Variants in CCDC175 observed in about 807,000 individuals in gnomAD.
The protein encoded by CCDC175 is coiled-coil domain containing 175, also known as coiled-coil domain-containing protein 175.
Under a neutral mutation model 114.6 loss-of-function variants are expected in CCDC175, and 100 were observed. That is an observed-to-expected ratio of 0.87 (90% confidence interval 0.74 to 1.03). The LOEUF is 1.03. Ranked by LOEUF, CCDC175 falls within the 50% of genes least tolerant of loss-of-function variation. CCDC175 has a pLI of 0.00. For synonymous variants in CCDC175, 306 were observed against 308.7 expected (o/e 0.99, Z 0.09); for missense variants, 880 against 917.8 (o/e 0.96, Z 0.53).
intron 3 of CCDC175, among the ~76,000 whole-genome samples, chr14:59,571,542 C>A (rs1896850251): frequency 6.6e-6 from 1 of 152,094 alleles, no homozygotes; most frequent in African/African-American, 2.4e-5. Context: ...TGGGGAAATG[C>A]AAATCAAATC....
Position 59,538,791 on chromosome 14 carries a change from A to G in CCDC175, c.1405T>C (p.Trp469Arg). The G allele has an allele frequency of 1.3e-6, 2 of 1,537,008 alleles. No individual in the cohort carries two copies. Among genetic ancestry groups the G allele is most frequent in the Non-Finnish European group, 8.7e-7 (1 of 1,146,750 alleles). ...MACLRKKHAR[W>R]TAKIKAEIQA... ...ATTTCAGCTTTTATCTTGGCTGTCC[A>G]ACGTGCATGCTTTTTTCTCAAGCAA... The change falls in exon 12 of 20, where the codon TGG becomes CGG. Residue 469 changes from tryptophan (W) to arginine (R), a missense_variant. By Grantham distance (101) the Trp-to-Arg change is moderately radical. Transcript: ENST00000537690.
At chr14:59,512,658 A>G (rs1477174846) in intron 17 of CCDC175, among the ~76,000 whole-genome samples, 1 of 152,226 alleles carries the variant, frequency 6.6e-6, no homozygotes, top group Non-Finnish European at 1.5e-5. Context: ...ACTACACTAC[A>G]GCTGCACAAT....
chr14:59,544,461 G>A (rs1894981920), intron 9 of CCDC175, among the ~76,000 whole-genome samples: 1 of 152,244 alleles, frequency 6.6e-6, no homozygotes, highest in Non-Finnish European at 1.5e-5. Context: ...ATAGGAAGCT[G>A]CCTGTATCAG....
chr14:59,548,940 G>C (rs1895279375), intron 8 of CCDC175, among the ~76,000 whole-genome samples: 1 of 152,196 alleles, frequency 6.6e-6, no homozygotes, highest in Non-Finnish European at 1.5e-5. Flanking sequence ...AGAAGAATTT[G>C]GATGTGGGGT....
chr14:59,564,661 G>A (rs1896420462), intron 5 of CCDC175, among the ~76,000 whole-genome samples: 1 of 151,844 alleles, frequency 6.6e-6, no homozygotes, highest in South Asian at 2.1e-4. Context: ...TCATTTATCA[G>A]GAACAGCAGG....
chr14:59,527,549 G>T (rs117192692), intron 14 of CCDC175, among the ~76,000 whole-genome samples: 5,247 of 152,062 alleles, frequency 0.035, 154 homozygotes, highest in Middle Eastern at 0.1. Context: ...TAAATAAATT[G>T]TAACCATTTA....
Position 59,511,816 on chromosome 14 carries a change from T to C in CCDC175, c.2099-13A>G. On this transcript the variant is annotated splice_polypyrimidine_tract_variant and intron_variant, in intron 17 of 19. Coordinates refer to ENST00000537690, the MANE Select transcript of CCDC175 (RefSeq NM_001164399.2). The stretch of plus-strand genomic sequence containing the variant: ...TCCTTATATTGTGCTAAAATAAAGA[T>C]TTAAAAAATACAATGGTTACTGACA... The C allele has an allele frequency of 1.3e-6, 2 of 1,516,310 alleles. No homozygotes were observed. Among genetic ancestry groups the C allele is most frequent in the South Asian group, 2.4e-5 (2 of 83,498 alleles). 93.9% of individuals were successfully genotyped at this position (1,516,310 alleles called of 1,614,324 possible).
At chr14:59,538,961 G>T in intron 11 of CCDC175, 121 bp from the exon 12 acceptor site, 2 of 815,412 alleles carry the variant, frequency 2.5e-6, no homozygotes, top group Non-Finnish European at 3.7e-6. Context: ...TGCTATTAGT[G>T]TTGCAGACTA....
intron 5 of CCDC175, chr14:59,564,333 CT>C: frequency 1.3e-5 from 2 of 152,962 alleles, no homozygotes. Context: ...GACAGAGCAG[CT>C]TGTAATCCTG....
At position 59,551,531 on chromosome 14, in the gene CCDC175, C is replaced by A. The variant is rs1895482984; in HGVS notation, c.954-95G>T. On this transcript the variant is annotated intron_variant, in intron 7 of 19. Transcript: ENST00000537690. ...ATAGGAACAGCTGCAGTATACAGCT[C>A]CCAGTGTGAGTGACACAGAAGATGG... 1.3e-5 allele frequency: 7 copies of A among 547,676 alleles called. No individual in the cohort carries two copies. The South Asian group carries it at 1.4e-4, about 11-fold the overall frequency. The allele number at this position is 547,676 out of a possible 1,614,324, so 33.9% of individuals were successfully genotyped here. A position where few individuals can be genotyped will look rare whatever the true frequency, so the allele number is the denominator to read the frequency against.
intron 17 of CCDC175, among the ~76,000 whole-genome samples, chr14:59,517,974 T>A (rs918340833): frequency 1.3e-5 from 2 of 152,048 alleles, no homozygotes; most frequent in African/African-American, 4.8e-5. Flanking sequence ...AAAACAGAGA[T>A]ATAGAGCAAT....
At chr14:59,529,789 A>G (rs922984838) in intron 14 of CCDC175, among the ~76,000 whole-genome samples, 1 of 152,186 alleles carries the variant, frequency 6.6e-6, no homozygotes, top group Non-Finnish European at 1.5e-5. Flanking sequence ...ATATATGTAC[A>G]TGCTTTATCC....
At chr14:59,537,991 A>C in intron 13 of CCDC175, 32 bp downstream of exon 13, 1 of 1,467,936 alleles carries the variant, frequency 6.8e-7, no homozygotes, top group Non-Finnish European at 9.2e-7. Flanking sequence ...GTAGTCATCC[A>C]AAAGTATTCT....
Position 59,521,992 on chromosome 14 carries a change from T to C in CCDC175, c.1996-316A>G, listed in dbSNP as rs547685148. ...ATGTCCACAACAAAAATGTTCCTTA[T>C]GCAAAATGTGTGTACAGTAGATGTC... On this transcript the variant is annotated intron_variant, in intron 16 of 19. Coordinates refer to ENST00000537690, the MANE Select transcript of CCDC175 (RefSeq NM_001164399.2). Among the ~76,000 whole-genome samples the C allele has an allele frequency of 2.0e-3, 299 of 152,386 alleles. 10 individuals carry two copies. In the South Asian group the frequency reaches 0.059, roughly 30 times the overall value.
intron 17 of CCDC175, among the ~76,000 whole-genome samples, chr14:59,517,581 G>T (rs1184342182): frequency 2.6e-5 from 4 of 152,158 alleles, no homozygotes; most frequent in Non-Finnish European, 4.4e-5. Context: ...TTGCTTCAAA[G>T]AGAATAAAAT....
intron 8 of CCDC175, among the ~76,000 whole-genome samples, chr14:59,547,826 A>T (rs1487442493): frequency 1.3e-5 from 2 of 152,194 alleles, no homozygotes; most frequent in African/African-American, 4.8e-5. Flanking sequence ...GGACTTCATT[A>T]AAATTAATAA....
At chr14:59,567,623 G>A (rs1430142083) in intron 4 of CCDC175, among the ~76,000 whole-genome samples, 1 of 152,160 alleles carries the variant, frequency 6.6e-6, no homozygotes, top group Non-Finnish European at 1.5e-5. Context: ...AAAGTTAAGA[G>A]TTGTGATCCC....
chr14:59,555,444 T>A (rs1323345031), intron 7 of CCDC175, among the ~76,000 whole-genome samples: 2 of 152,028 alleles, frequency 1.3e-5, no homozygotes, highest in African/African-American at 4.8e-5. Flanking sequence ...TCAATAAATT[T>A]GGTATTGATG....
At chr14:59,539,343 C>T (rs1028508749) in intron 11 of CCDC175, among the ~76,000 whole-genome samples, 5 of 152,110 alleles carry the variant, frequency 3.3e-5, no homozygotes, top group South Asian at 2.1e-4. Context: ...TTTGGGAGGC[C>T]GAGGCGGGCA....
Sources: gnomAD v4.1 joint callset for allele counts (sites outside exome capture counted in the v4.1 genomes callset) on GRCh38, gnomAD v4.1.1 for gene constraint, MANE v1.5 for transcripts, NCBI Gene and HGNC (gene_info 2026-07-23, HGNC 2026-07-21) for gene names.